Variants in VWA8 observed in about 807,000 individuals in gnomAD.
VWA8 encodes the protein von Willebrand factor A domain containing 8.
A neutral mutation model predicts 241.5 loss-of-function variants in VWA8; 221 were observed. The observed-to-expected ratio is 0.91, with a 90% CI of 0.82 to 1.02. The LOEUF (loss-of-function observed/expected upper bound fraction) is 1.02, where lower values mean the gene tolerates loss of function less well. Ranked by LOEUF, VWA8 falls within the 50% of genes least tolerant of loss-of-function variation. VWA8 has a pLI of 0.00. For synonymous variants in VWA8, 852 were observed against 827.1 expected (o/e 1.03, Z -0.52); for missense variants, 2,322 against 2,328.7 (o/e 1.00, Z 0.06).
At chr13:41,947,846 A>T (rs1424779966) in intron 2 of VWA8, among the ~76,000 whole-genome samples, 1 of 137,024 alleles carries the variant, frequency 7.3e-6, no homozygotes, top group Non-Finnish European at 1.5e-5. Flanking sequence ...GAGGACCTGG[A>T]GGTTGAACCT....
chr13:41,839,629 GC>G, intron 12 of VWA8, among the ~76,000 whole-genome samples: 1 of 151,936 alleles, frequency 6.6e-6, no homozygotes, highest in East Asian at 1.9e-4. Context: ...AGTTTTCCTA[GC>G]ACCATTTATT....
At chr13:41,916,806 G>A (rs1020172899) in intron 2 of VWA8, among the ~76,000 whole-genome samples, 3 of 152,158 alleles carry the variant, frequency 2.0e-5, no homozygotes, top group Non-Finnish European at 4.4e-5. Flanking sequence ...ATTCAAGACT[G>A]TACATTACGA....
In VWA8 at chr13:41,697,578, T is replaced by A. The variant is rs186257171; in HGVS notation, c.3564+1493A>T. On this transcript the variant is annotated intron_variant, in intron 29 of 44. Coordinates refer to ENST00000379310, the MANE Select transcript of VWA8 (RefSeq NM_015058.2). Reference sequence around the variant, plus strand: ...GATGAAATTATTCTATCTAAGATCATCAGGCATTAGATTCTTACAAGGAGC... The same window carrying A: ...GATGAAATTATTCTATCTAAGATCAACAGGCATTAGATTCTTACAAGGAGC... 6.9e-4 allele frequency among the ~76,000 whole-genome samples: 105 copies of A among 152,270 alleles called. 1 individual carries two copies. Among genetic ancestry groups the A allele is most frequent in the African/African-American group, 2.5e-3 (102 of 41,550 alleles).
intron 21 of VWA8, among the ~76,000 whole-genome samples, chr13:41,739,857 G>T (rs12871417): frequency 0.11 from 6,934 of 63,858 alleles, 489 homozygotes; most frequent in South Asian, 0.23. Context: ...TGTTTTTTTT[G>T]TTTTTTTTTT....
intron 5 of VWA8, 82 bp from the exon 6 acceptor site, chr13:41,887,443 G>A (rs1008835941): frequency 7.0e-7 from 1 of 1,431,380 alleles, no homozygotes; most frequent in Admixed American, 2.4e-5. Context: ...AGGGACTTAG[G>A]ACTTGACTGT....
At chr13:41,579,138 T>C (rs992147897) in intron 42 of VWA8, among the ~76,000 whole-genome samples, 2 of 152,236 alleles carry the variant, frequency 1.3e-5, no homozygotes, top group Non-Finnish European at 2.9e-5. Flanking sequence ...CTTTAGGAGA[T>C]GCTATGCTTT....
intron 8 of VWA8, 67 bp from the exon 9 acceptor site, chr13:41,883,558 G>T: frequency 8.3e-7 from 1 of 1,205,236 alleles, no homozygotes; most frequent in Non-Finnish European, 1.2e-6. Context: ...CATCTGAAAT[G>T]TACATATGAC....
intron 37 of VWA8, among the ~76,000 whole-genome samples, chr13:41,631,753 T>C (rs1013138351): frequency 6.6e-6 from 1 of 152,222 alleles, no homozygotes. Flanking sequence ...GCTATACTTA[T>C]AAACAAACCT....
intron 9 of VWA8, among the ~76,000 whole-genome samples, chr13:41,872,535 T>C (rs1252230011): frequency 6.6e-6 from 1 of 152,194 alleles, no homozygotes; most frequent in Non-Finnish European, 1.5e-5. Context: ...GGCTAGCCAG[T>C]TTTCCCAGCA....
chr13:41,900,851 C>G, intron 4 of VWA8, among the ~76,000 whole-genome samples: 1 of 152,220 alleles, frequency 6.6e-6, no homozygotes, highest in East Asian at 1.9e-4. Flanking sequence ...AATTACATTT[C>G]AAGTTCTTCA....
chr13:41,925,986 A>C, intron 2 of VWA8: 23 of 373,254 alleles, frequency 6.2e-5, no homozygotes, highest in East Asian at 1.3e-4. Flanking sequence ...GGTGGCAGGT[A>C]GGATCCATGC....
At chr13:41,922,748 C>G (rs1876615720) in intron 2 of VWA8, among the ~76,000 whole-genome samples, 1 of 152,276 alleles carries the variant, frequency 6.6e-6, no homozygotes, top group South Asian at 2.1e-4. Flanking sequence ...CCATCTCACA[C>G]CAGTTAGAAT....
chr13:41,581,102 G>A (rs566459987), intron 42 of VWA8, among the ~76,000 whole-genome samples: 2 of 127,834 alleles, frequency 1.6e-5, no homozygotes, highest in Middle Eastern at 3.5e-3. Flanking sequence ...TGGAGTTCAC[G>A]CCATTCTCCT....
At chr13:41,829,005 C>G (rs1377440583) in intron 14 of VWA8, among the ~76,000 whole-genome samples, 4 of 152,144 alleles carry the variant, frequency 2.6e-5, no homozygotes, top group Admixed American at 2.0e-4. Context: ...TACTGATGAC[C>G]TCCTTGGAGG....
At chr13:41,931,071 C>T (rs903049152) in intron 2 of VWA8, among the ~76,000 whole-genome samples, 1 of 151,316 alleles carries the variant, frequency 6.6e-6, no homozygotes, top group Non-Finnish European at 1.5e-5. Flanking sequence ...ATCGCTTGAA[C>T]CCGGGAGACG....
At chr13:41,957,546 C>T (rs1323833370) in intron 1 of VWA8, among the ~76,000 whole-genome samples, 5 of 152,094 alleles carry the variant, frequency 3.3e-5, no homozygotes, top group Non-Finnish European at 7.4e-5. Context: ...GTGGAGGTTG[C>T]AGTAAGCCAA....
chr13:41,922,960 A>C (rs975139903), intron 2 of VWA8, among the ~76,000 whole-genome samples: 25 of 152,274 alleles, frequency 1.6e-4, no homozygotes, highest in Admixed American at 9.8e-4. Flanking sequence ...ATTACAAATC[A>C]TGCTGCTATA....
intron 35 of VWA8, among the ~76,000 whole-genome samples, chr13:41,681,638 G>A (rs1243293098): frequency 6.6e-6 from 1 of 152,152 alleles, no homozygotes; most frequent in African/African-American, 2.4e-5. Context: ...ACCAATATGG[G>A]TGGTGGGTGC....
At chr13:41,687,535 T>C (rs1268102737) in intron 34 of VWA8, among the ~76,000 whole-genome samples, 1 of 152,154 alleles carries the variant, frequency 6.6e-6, no homozygotes, top group Middle Eastern at 3.2e-3. Flanking sequence ...GGTAAAAGGA[T>C]GTGTGTTAGA....
Sources: allele counts gnomAD v4.1 joint callset (sites outside exome capture counted in the v4.1 genomes callset), GRCh38; gene constraint gnomAD v4.1.1; transcripts MANE v1.5; gene names NCBI Gene and HGNC (gene_info 2026-07-23, HGNC 2026-07-21).